The following HPS3 variants were observed in gnomAD, a reference collection of about 807,000 sequenced individuals.
The protein encoded by HPS3 is BLOC-2 complex member HPS3.
In HPS3, 79 loss-of-function variants were observed where a neutral mutation model predicts 110.9. The observed-to-expected ratio is 0.71, with a 90% CI of 0.59 to 0.86. The LOEUF is 0.86. Ranked by LOEUF, HPS3 falls within the 40% of genes least tolerant of loss-of-function variation. The pLI is 0.00. For synonymous variants in HPS3, 428 were observed against 451.0 expected, an observed-to-expected ratio of 0.95 and a Z score of 0.65; for missense variants, 1,197 against 1,206.2, an observed-to-expected ratio of 0.99 and a Z score of 0.11.
chr3:149,153,281 G>A (rs1013128392), intron 6 of HPS3, among the ~76,000 whole-genome samples: 1 of 152,108 alleles, frequency 6.6e-6, no homozygotes, highest in Admixed American at 6.5e-5. Flanking sequence ...GTAGCTCTAT[G>A]GAATACACTA....
intron 14 of HPS3, chr3:149,165,868 T>C: frequency 2.5e-6 from 1 of 392,242 alleles, no homozygotes; most frequent in South Asian, 1.9e-5. Flanking sequence ...TCAACCTTAT[T>C]TCATCTCTGC....
chr3:149,131,029 C>G (rs576071284), intron 1 of HPS3, among the ~76,000 whole-genome samples: 29 of 151,098 alleles, frequency 1.9e-4, no homozygotes, highest in Non-Finnish European at 3.4e-4. Flanking sequence ...AAGTGGAGAA[C>G]TTGAACCTGG....
Position 149,172,315 on chromosome 3 carries a change from A to G in HPS3, c.*93A>G. The G allele has an allele frequency of 2.9e-6, 2 of 697,506 alleles. No individual in the cohort carries two copies. Among genetic ancestry groups the G allele is most frequent in the South Asian group, 1.6e-5 (1 of 61,792 alleles). 43.2% of individuals were successfully genotyped at this position (697,506 alleles called of 1,614,324 possible). A position where few individuals can be genotyped will look rare whatever the true frequency, so the allele number is the denominator to read the frequency against. Reference sequence around the variant, plus strand: ...CAAGTAGAGGAGTTTTTTATTTTATATATCACACACACACACACACACACA... The same window carrying G: ...CAAGTAGAGGAGTTTTTTATTTTATGTATCACACACACACACACACACACA... On this transcript the variant is annotated 3_prime_UTR_variant, in exon 17 of 17. Coordinates refer to ENST00000296051, the MANE Select transcript of HPS3 (RefSeq NM_032383.5).
At chr3:149,157,043 G>A (rs1193291528) in intron 8 of HPS3, among the ~76,000 whole-genome samples, 2 of 152,104 alleles carry the variant, frequency 1.3e-5, no homozygotes, top group East Asian at 3.9e-4. Context: ...GTCTTACTGA[G>A]ATCAAATTGT....
At chr3:149,148,399 C>T (rs1576675362) in intron 5 of HPS3, among the ~76,000 whole-genome samples, 13 of 100,366 alleles carry the variant, frequency 1.3e-4, no homozygotes, top group East Asian at 2.7e-4. Context: ...CATATCAAGA[C>T]TTTTTTTTTT....
intron 1 of HPS3, among the ~76,000 whole-genome samples, chr3:149,138,252 G>C (rs1010784470): frequency 1.3e-5 from 2 of 152,304 alleles, no homozygotes; most frequent in South Asian, 2.1e-4. Flanking sequence ...TCAGCCCAGT[G>C]AATGTCTGCA....
At chr3:149,148,399 C>CTTTTTTTTTT in intron 5 of HPS3, among the ~76,000 whole-genome samples, 1 of 100,372 alleles carries the variant, frequency 1.0e-5, no homozygotes, top group Non-Finnish European at 1.9e-5. Flanking sequence ...CATATCAAGA[C>CTTTTTTTTTT]TTTTTTTTTT....
chr3:149,147,132 G>T (rs1022824265), intron 5 of HPS3, among the ~76,000 whole-genome samples: 43 of 152,304 alleles, frequency 2.8e-4, no homozygotes, highest in African/African-American at 9.6e-4. Flanking sequence ...TAGGAGGCAT[G>T]AAAAATCCCA....
At chr3:149,135,406 T>A (rs538113753) in intron 1 of HPS3, among the ~76,000 whole-genome samples, 36 of 152,062 alleles carry the variant, frequency 2.4e-4, no homozygotes, top group South Asian at 8.3e-4. Context: ...GGGGACAGTT[T>A]CCCCCATGCT....
intron 6 of HPS3, among the ~76,000 whole-genome samples, chr3:149,151,560 T>C (rs1209943016): frequency 7.0e-6 from 1 of 143,554 alleles, no homozygotes; most frequent in Non-Finnish European, 1.5e-5. Context: ...AATCTCATTT[T>C]TAGTGAGAAG....
rs1351452283 is a variant in HPS3 at position 149,160,262 on chromosome 3, A to G, written c.2089A>G (p.Met697Val). The G allele has an allele frequency of 6.2e-7, 1 of 1,612,794 alleles. No homozygotes were observed. Among genetic ancestry groups the G allele is most frequent in the Admixed American group, 1.7e-5 (1 of 59,960 alleles). The change falls in exon 11 of 17, where the codon ATG becomes GTG. Residue 697 changes from methionine to valine, a missense_variant. By Grantham distance (21) the Met-to-Val change is conservative. Coordinates refer to ENST00000296051, the MANE Select transcript of HPS3 (RefSeq NM_032383.5). ...MGDLDMHRNE[M>V]KSHSEMKLVC... ...AGATCTTGACATGCACAGAAATGAAATGAAAAGCCATTCAGAGGTATGGAG... is the reference window on the plus strand; with the variant it reads ...AGATCTTGACATGCACAGAAATGAAGTGAAAAGCCATTCAGAGGTATGGAG...
At chr3:149,156,839 G>A (rs1723488421) in intron 8 of HPS3, among the ~76,000 whole-genome samples, 1 of 152,062 alleles carries the variant, frequency 6.6e-6, no homozygotes, top group African/African-American at 2.4e-5. Context: ...GACCGCTAGA[G>A]TCTGAATATA....
chr3:149,145,178 T>C (rs1188926727), intron 4 of HPS3, among the ~76,000 whole-genome samples, 176 bp from the exon 5 acceptor site: 1 of 152,208 alleles, frequency 6.6e-6, no homozygotes, highest in African/African-American at 2.4e-5. Context: ...GCCGATATTC[T>C]AATTATATTA....
chr3:149,166,126 G>A (rs1724391594), intron 14 of HPS3: 2 of 405,916 alleles, frequency 4.9e-6, no homozygotes, highest in Non-Finnish European at 9.8e-6. Context: ...AAGGGAAAGT[G>A]GAGATTATTT....
intron 8 of HPS3, among the ~76,000 whole-genome samples, chr3:149,155,795 AG>A (rs1419022841): frequency 2.6e-5 from 4 of 152,278 alleles, no homozygotes; most frequent in Admixed American, 6.5e-5. Flanking sequence ...ACCCTTTGGG[AG>A]GCTGAGGCAG....
At chr3:149,157,060 G>C (rs1393523242) in intron 8 of HPS3, among the ~76,000 whole-genome samples, 1 of 152,078 alleles carries the variant, frequency 6.6e-6, no homozygotes, top group African/African-American at 2.4e-5. Context: ...TTGTTGCTAA[G>C]TTTACAGTAT....
intron 1 of HPS3, among the ~76,000 whole-genome samples, chr3:149,136,995 T>C (rs1277635705): frequency 6.6e-6 from 1 of 152,176 alleles, no homozygotes; most frequent in African/African-American, 2.4e-5. Flanking sequence ...AGTTAATGAC[T>C]GTTGTATATC....
Position 149,156,890 on chromosome 3 carries a change from C to G in HPS3, c.1510-460C>G, listed in dbSNP as rs1723490465. 2.0e-5 allele frequency among the ~76,000 whole-genome samples: 3 copies of G among 152,064 alleles called. No individual in the cohort carries two copies. The South Asian group carries it at 6.2e-4, about 31-fold the overall frequency. On this transcript the variant is annotated intron_variant, in intron 8 of 16. Coordinates refer to ENST00000296051, the MANE Select transcript of HPS3 (RefSeq NM_032383.5). ...TAGCTAGTGATAATTTTTATGAGCC[C>G]TCTATGAGTTATGGAAATAGATGTA...
At chr3:149,163,515 C>G (rs1035025283) in intron 13 of HPS3, among the ~76,000 whole-genome samples, 2 of 152,146 alleles carry the variant, frequency 1.3e-5, no homozygotes, top group East Asian at 3.8e-4. Flanking sequence ...ATTTTGCCTT[C>G]TAAAGAAAGT....
Sources: gnomAD v4.1 joint callset for allele counts (sites outside exome capture counted in the v4.1 genomes callset) on GRCh38, gnomAD v4.1.1 for gene constraint, MANE v1.5 for transcripts, NCBI Gene and HGNC (gene_info 2026-07-23, HGNC 2026-07-21) for gene names.